Variants in MAP3K13 observed in about 807,000 individuals in gnomAD.
The protein encoded by MAP3K13 is leucine zipper-bearing kinase.
A neutral mutation model predicts 104.0 loss-of-function variants in MAP3K13; 52 were observed. The ratio of observed to expected loss-of-function variants is 0.50; its 90% CI spans 0.40 to 0.63. The LOEUF (loss-of-function observed/expected upper bound fraction) is 0.63. Ranked by LOEUF, MAP3K13 falls within the 20% of genes least tolerant of loss-of-function variation. The probability of loss-of-function intolerance (pLI) is 0.00; values close to 1 mark genes in which losing one functional copy is unlikely to be tolerated. For missense variants in MAP3K13, 914 were observed against 1,218.5 expected, an observed-to-expected ratio of 0.75 and a Z score of 3.72; for synonymous variants, 394 against 442.2, an observed-to-expected ratio of 0.89 and a Z score of 1.37.
intron 6 of MAP3K13, 87 bp from the exon 7 acceptor site, chr3:185,451,200 A>G: frequency 1.1e-6 from 1 of 937,608 alleles, no homozygotes. Flanking sequence ...ATTTTGAAGT[A>G]AACAATCTTC....
Position 185,443,545 on chromosome 3 carries a change from C to T in MAP3K13, c.760C>T (p.Arg254Ter), listed in dbSNP as rs765601571. 5 of 1,613,956 alleles carry T rather than the reference C, an allele frequency of 3.1e-6. No individual in the cohort carries two copies. The highest frequency in any genetic ancestry group is 2.2e-5 in the South Asian group (2 of 91,070). ...VLRAGRKITP[R>*]LLVDWSTGIA... is the part of the protein sequence containing the mutation. ...ACGAGCTGGCAGGAAGATCACACCT[C>T]GATTGCTAGTAGACTGGTCCACAGG... Residue 254 changes from arginine (R) to a stop codon, truncating the protein, a stop_gained, in exon 4 of 14, where the codon CGA (arginine) becomes TGA (stop). Transcript: ENST00000265026. LOFTEE classifies it high-confidence loss of function.
At chr3:185,417,436 T>C (rs1713843081) in intron 1 of MAP3K13, 14 of 1,431,078 alleles carry the variant, frequency 9.8e-6, no homozygotes, top group Non-Finnish European at 1.3e-5. Context: ...ATCAGGTCTT[T>C]ATTCAAAAGA....
chr3:185,441,242 A>AT (rs1715302698), intron 3 of MAP3K13, among the ~76,000 whole-genome samples: 1 of 151,956 alleles, frequency 6.6e-6, no homozygotes, highest in East Asian at 2.0e-4. Flanking sequence ...ACAAATAAAC[A>AT]TGGAAATGTC....
intron 1 of MAP3K13, among the ~76,000 whole-genome samples, chr3:185,420,471 T>C (rs1714051174): frequency 6.6e-6 from 1 of 152,222 alleles, no homozygotes; most frequent in Non-Finnish European, 1.5e-5. Context: ...TTGATGCTCC[T>C]AGAAGCAGAA....
intron 1 of MAP3K13, among the ~76,000 whole-genome samples, chr3:185,422,938 A>G (rs920372143): frequency 2.0e-5 from 3 of 152,086 alleles, no homozygotes; most frequent in African/African-American, 7.2e-5. Flanking sequence ...CTCCTGTCAG[A>G]TCCATGGGGC....
upstream of MAP3K13, among the ~76,000 whole-genome samples, chr3:185,359,235 C>A (rs758664563): frequency 2.0e-5 from 3 of 152,106 alleles, no homozygotes; most frequent in Non-Finnish European, 2.9e-5. Flanking sequence ...AAAGTGGAAA[C>A]CCCTGATAAA....
chr3:185,416,494 C>T (rs893399473), intron 1 of MAP3K13, among the ~76,000 whole-genome samples: 7 of 151,760 alleles, frequency 4.6e-5, no homozygotes, highest in African/African-American at 1.7e-4. Context: ...AGAGTTATGG[C>T]GAGGTTAGTG....
chr3:185,358,932 C>T (rs139418835), upstream of MAP3K13, among the ~76,000 whole-genome samples: 284 of 152,238 alleles, frequency 1.9e-3, 1 homozygote, highest in African/African-American at 6.0e-3. Flanking sequence ...GTTTCAGAAC[C>T]CCAAAGATAT....
intron 1 of MAP3K13, among the ~76,000 whole-genome samples, chr3:185,409,463 T>C (rs564528839): frequency 7.5e-4 from 114 of 152,146 alleles, no homozygotes; most frequent in Non-Finnish European, 1.4e-3. Context: ...TTAAAATGAC[T>C]ATTATCAAAA....
At chr3:185,436,909 G>A (rs1715057832) in intron 2 of MAP3K13, among the ~76,000 whole-genome samples, 1 of 146,960 alleles carries the variant, frequency 6.8e-6, no homozygotes, top group African/African-American at 2.5e-5. Context: ...GCTGAGGCAG[G>A]AGAATTGCTT....
intron 1 of MAP3K13, among the ~76,000 whole-genome samples, chr3:185,419,182 A>G (rs1713983022): frequency 6.6e-6 from 1 of 151,992 alleles, no homozygotes; most frequent in Non-Finnish European, 1.5e-5. Flanking sequence ...TTGTATTTTT[A>G]GTAGAGCTGG....
chr3:185,445,030 C>T (rs1992451), intron 4 of MAP3K13, among the ~76,000 whole-genome samples: 122,912 of 151,812 alleles, frequency 0.81, 50,947 homozygotes, highest in East Asian at 0.91. Flanking sequence ...TGTATATACA[C>T]ACACACATAT....
intron 1 of MAP3K13, among the ~76,000 whole-genome samples, chr3:185,406,524 C>T (rs1179100394): frequency 1.3e-5 from 2 of 152,182 alleles, no homozygotes; most frequent in African/African-American, 4.8e-5. Context: ...ATTCTCTGAG[C>T]TTGTCTGTAA....
At chr3:185,458,817 C>T (rs772943500) in intron 7 of MAP3K13, among the ~76,000 whole-genome samples, 2 of 152,182 alleles carry the variant, frequency 1.3e-5, no homozygotes, top group Non-Finnish European at 1.5e-5. Context: ...ATTTGTTTTT[C>T]GTCAACAGCA....
chr3:185,370,710 G>T (rs1724110248), intron 1 of MAP3K13, among the ~76,000 whole-genome samples: 1 of 130,238 alleles, frequency 7.7e-6, no homozygotes. Context: ...CATTATAAAT[G>T]TCAATTGTCT....
intron 2 of MAP3K13, among the ~76,000 whole-genome samples, chr3:185,348,172 G>A (rs1723006591): frequency 6.6e-6 from 1 of 152,062 alleles, no homozygotes; most frequent in Admixed American, 6.6e-5. Context: ...ACTAATTACA[G>A]TATATTTTAC....
Position 185,450,080 on chromosome 3 carries a change from C to A in MAP3K13, c.1169+22C>A. 1 of 1,584,790 alleles carries A rather than the reference C, an allele frequency of 6.3e-7. No homozygotes were observed. The highest frequency in any genetic ancestry group is 8.6e-7 in the Non-Finnish European group (1 of 1,166,274). On this transcript the variant is annotated intron_variant, in intron 6 of 13. Coordinates refer to ENST00000265026, the MANE Select transcript of MAP3K13 (RefSeq NM_004721.5). The surrounding 1 kb of genome is among the most constrained non-coding windows in gnomAD (Gnocchi z 4.2). ...CGTGGTAAGAATATTGTCTCTAAAA[C>A]AATAGGGAGGTCTCTAATGTGTATT...
intron 2 of MAP3K13, among the ~76,000 whole-genome samples, chr3:185,324,690 T>C (rs541618336): frequency 1.3e-5 from 2 of 152,288 alleles, no homozygotes; most frequent in South Asian, 4.1e-4. Flanking sequence ...GAGATTCATG[T>C]CATTTCCTCC....
chr3:185,377,051 T>C (rs1485737309), intron 1 of MAP3K13, among the ~76,000 whole-genome samples: 1 of 151,154 alleles, frequency 6.6e-6, no homozygotes, highest in Non-Finnish European at 1.5e-5. Flanking sequence ...TGTGGAGAGG[T>C]TGTGGAGGGA....
Sources: allele counts gnomAD v4.1 joint callset (sites outside exome capture counted in the v4.1 genomes callset), GRCh38; gene constraint gnomAD v4.1.1; non-coding constraint Gnocchi (gnomAD v3.1); transcripts MANE v1.5; gene names NCBI Gene and HGNC (gene_info 2026-07-23, HGNC 2026-07-21).